PDE3A: variants seen among roughly 807,000 people sequenced by gnomAD.
PDE3A encodes phosphodiesterase 3A, also known as cGMP-inhibited 3',5'-cyclic phosphodiesterase 3A.
Under a neutral mutation model 98.3 loss-of-function variants are expected in PDE3A, and 43 were observed. The ratio of observed to expected loss-of-function variants is 0.44; its 90% CI spans 0.34 to 0.56. The LOEUF (loss-of-function observed/expected upper bound fraction) is 0.56. Among genes scored for constraint, PDE3A ranks in the 20% least tolerant of loss-of-function variants. PDE3A has a pLI of 0.01. For missense variants in PDE3A, 1,427 were observed against 1,440.7 expected, an observed-to-expected ratio of 0.99 and a Z score of 0.15; for synonymous variants, 663 against 567.9, an observed-to-expected ratio of 1.17 and a Z score of -2.38.
At chr12:20,555,296 A>T (rs1391461085) in intron 1 of PDE3A, among the ~76,000 whole-genome samples, 1 of 152,208 alleles carries the variant, frequency 6.6e-6, no homozygotes, top group Non-Finnish European at 1.5e-5. Flanking sequence ...TTACAGGCAT[A>T]AGCCACTGCG....
chr12:20,597,416 T>C (rs1438625495), intron 2 of PDE3A, among the ~76,000 whole-genome samples: 12 of 152,206 alleles, frequency 7.9e-5, no homozygotes, highest in Non-Finnish European at 1.6e-4. Flanking sequence ...GGAAATGCTA[T>C]ATTATAGTGA....
rs530645823 is a variant in PDE3A at position 20,584,537 on chromosome 12, A to G, written c.1011+27827A>G. Among the ~76,000 whole-genome samples, 11 of 152,306 alleles carry G rather than the reference A, an allele frequency of 7.2e-5. No individual in the cohort carries two copies. The South Asian group carries it at 2.3e-3, about 32-fold the overall frequency. On this transcript the variant is annotated intron_variant, in intron 2 of 15. Transcript: ENST00000359062. The stretch of plus-strand genomic sequence containing the variant: ...TTTTCCTTGGGGGTTGGCAACCTGT[A>G]CTTTTAATTTAATGCAGAACGCCAG...
intron 1 of PDE3A, among the ~76,000 whole-genome samples, chr12:20,509,387 A>T (rs1016437744): frequency 6.6e-6 from 1 of 151,984 alleles, no homozygotes; most frequent in African/African-American, 2.4e-5. Context: ...CAGAATGTTC[A>T]CTTTCTGTCT....
intron 1 of PDE3A, among the ~76,000 whole-genome samples, chr12:20,383,437 G>A (rs4326884): frequency 0.4 from 61,377 of 151,674 alleles, 14,087 homozygotes; most frequent in East Asian, 0.59. Flanking sequence ...GTGGCCCTCA[G>A]TGGAAGGTAG....
chr12:20,611,144 G>A (rs977976150), intron 2 of PDE3A, among the ~76,000 whole-genome samples: 1 of 151,818 alleles, frequency 6.6e-6, no homozygotes, highest in East Asian at 1.9e-4. Flanking sequence ...ATAACATGTT[G>A]TAAGCCTCAA....
intron 2 of PDE3A, among the ~76,000 whole-genome samples, chr12:20,560,675 T>C (rs557960621): frequency 5.9e-5 from 9 of 152,180 alleles, no homozygotes; most frequent in Middle Eastern, 6.8e-3. Context: ...AATGCTAAGG[T>C]GAGATGTGTG....
intron 1 of PDE3A, among the ~76,000 whole-genome samples, chr12:20,479,844 C>T (rs1945592934): frequency 6.6e-6 from 1 of 152,058 alleles, no homozygotes; most frequent in Admixed American, 6.6e-5. Flanking sequence ...TCAACAAAGT[C>T]TTAAATTGAT....
intron 10 of PDE3A, among the ~76,000 whole-genome samples, chr12:20,641,842 C>T (rs1464838397): frequency 6.6e-6 from 1 of 152,048 alleles, no homozygotes; most frequent in African/African-American, 2.4e-5. Flanking sequence ...TTGTAATAAA[C>T]CTGCTTGTTC....
intron 2 of PDE3A, among the ~76,000 whole-genome samples, chr12:20,604,994 T>C (rs1267768772): frequency 1.3e-5 from 2 of 152,294 alleles, no homozygotes; most frequent in East Asian, 3.9e-4. Flanking sequence ...TCTTTTTGAA[T>C]CTTTATAGTT....
At chr12:20,477,523 G>A (rs1229984897) in intron 1 of PDE3A, among the ~76,000 whole-genome samples, 2 of 152,074 alleles carry the variant, frequency 1.3e-5, no homozygotes, top group East Asian at 3.9e-4. Context: ...TAGCAAAGAT[G>A]CAAAATGTTA....
chr12:20,642,288 A>G (rs112811823), intron 10 of PDE3A, among the ~76,000 whole-genome samples: 3 of 152,270 alleles, frequency 2.0e-5, no homozygotes, highest in African/African-American at 7.2e-5. Context: ...AATCCTTACA[A>G]AAATTGAAGA....
At chr12:20,596,344 C>T (rs1943465434) in intron 2 of PDE3A, among the ~76,000 whole-genome samples, 1 of 152,066 alleles carries the variant, frequency 6.6e-6, no homozygotes, top group Admixed American at 6.6e-5. Flanking sequence ...CATACAAAAC[C>T]TTGATGATCC....
At chr12:20,603,689 A>C (rs565697241) in intron 2 of PDE3A, among the ~76,000 whole-genome samples, 1 of 152,244 alleles carries the variant, frequency 6.6e-6, no homozygotes, top group South Asian at 2.1e-4. Context: ...TTGCACACAC[A>C]ATCTTTCTCA....
chr12:20,506,275 G>C (rs982996817), intron 1 of PDE3A, among the ~76,000 whole-genome samples: 2 of 151,818 alleles, frequency 1.3e-5, no homozygotes, highest in South Asian at 2.1e-4. Flanking sequence ...TGTTTCCTTG[G>C]AAGTTATACT....
At chr12:20,630,940 T>C (rs1355764766) in intron 6 of PDE3A, among the ~76,000 whole-genome samples, 2 of 152,158 alleles carry the variant, frequency 1.3e-5, no homozygotes, top group Admixed American at 1.3e-4. Context: ...AATGAGTAAC[T>C]TGTTGGTTTT....
In PDE3A at chr12:20,648,593, T is replaced by C. The variant is rs964903000; in HGVS notation, c.2566-95T>C. 6.3e-6 allele frequency: 5 copies of C among 790,796 alleles called. No individual in the cohort carries two copies. The South Asian group carries it at 7.2e-5, about 11-fold the overall frequency. 49.0% of individuals were successfully genotyped at this position (790,796 alleles called of 1,614,324 possible). A position where few individuals can be genotyped will look rare whatever the true frequency, so the allele number is the denominator to read the frequency against. The stretch of plus-strand genomic sequence containing the variant: ...TACGTGATTACATTTCTTTGTTGTA[T>C]GAATAAAAAGCAATTTCAAAAGCAT... On this transcript the variant is annotated intron_variant, in intron 12 of 15. Transcript: ENST00000359062.
chr12:20,519,304 G>T (rs973329117), intron 1 of PDE3A, among the ~76,000 whole-genome samples: 1 of 152,162 alleles, frequency 6.6e-6, no homozygotes, highest in Non-Finnish European at 1.5e-5. Flanking sequence ...CTGGAGTTGT[G>T]CACACAGAGT....
chr12:20,468,081 A>G (rs1272660691), intron 1 of PDE3A, among the ~76,000 whole-genome samples: 1 of 151,868 alleles, frequency 6.6e-6, no homozygotes, highest in East Asian at 1.9e-4. Flanking sequence ...ATATGTTTAA[A>G]CAAATTAAAT....
intron 1 of PDE3A, among the ~76,000 whole-genome samples, chr12:20,530,344 G>C (rs1420720141): frequency 6.6e-6 from 1 of 151,952 alleles, no homozygotes; most frequent in African/African-American, 2.4e-5. Flanking sequence ...ACAACTTATG[G>C]GCATACCCAA....
Sources: allele counts gnomAD v4.1 joint callset (sites outside exome capture counted in the v4.1 genomes callset), GRCh38; gene constraint gnomAD v4.1.1; transcripts MANE v1.5; gene names NCBI Gene and HGNC (gene_info 2026-07-23, HGNC 2026-07-21).